Variants in MB21D2 observed in about 807,000 individuals in gnomAD.
The protein encoded by MB21D2 is Mab-21 domain containing 2, also known as nucleotidyltransferase MB21D2.
In MB21D2, 9 loss-of-function variants were observed where a neutral mutation model predicts 33.3. That is an observed-to-expected ratio of 0.27 (90% CI 0.16 to 0.47). The LOEUF is 0.47. MB21D2 is among the 20% of genes least tolerant of loss of function. MB21D2 has a pLI of 0.99. For synonymous variants in MB21D2, 241 were observed against 236.3 expected (o/e 1.02, Z -0.18); for missense variants, 540 against 624.6 (o/e 0.86, Z 1.44).
At chr3:192,837,107 A>C (rs912554259) in intron 1 of MB21D2, among the ~76,000 whole-genome samples, 1 of 152,166 alleles carries the variant, frequency 6.6e-6, no homozygotes, top group African/African-American at 2.4e-5. Flanking sequence ...CATGTTTAAA[A>C]TATGCCCTGT....
intron 1 of MB21D2, among the ~76,000 whole-genome samples, chr3:192,897,630 C>A (rs975087952): frequency 7.9e-5 from 12 of 152,122 alleles, no homozygotes; most frequent in Non-Finnish European, 1.3e-4. Context: ...TTGGTCAGAT[C>A]AAACACATAT....
chr3:192,809,569 C>A (rs1327242662), intron 1 of MB21D2, among the ~76,000 whole-genome samples: 1 of 152,174 alleles, frequency 6.6e-6, no homozygotes, highest in Non-Finnish European at 1.5e-5. Flanking sequence ...GCCTTTGGAA[C>A]TGCCACATAA....
intron 1 of MB21D2, among the ~76,000 whole-genome samples, chr3:192,884,513 C>T (rs1377633358): frequency 1.4e-5 from 2 of 141,818 alleles, no homozygotes; most frequent in Non-Finnish European, 3.1e-5. Flanking sequence ...ACTACAGGCG[C>T]CCGCCACCAC....
intron 1 of MB21D2, among the ~76,000 whole-genome samples, chr3:192,807,060 A>C (rs1047655480): frequency 2.6e-5 from 4 of 152,214 alleles, no homozygotes; most frequent in Non-Finnish European, 4.4e-5. Context: ...CTTAGTTGGT[A>C]ATCAGTGAAC....
rs1467028328 is a variant in MB21D2 at position 192,798,558 on chromosome 3, G to C, written c.1304C>G (p.Thr435Ser). Residue 435 changes from threonine (T) to serine (S), a missense_variant, in exon 2 of 2, where the codon ACC (threonine) becomes AGC (serine). Physicochemically the swap from Thr to Ser is moderately conservative, Grantham distance 58. Transcript: ENST00000392452. This position sits in a 1 kb window ranked among gnomAD's most constrained non-coding sequence, Gnocchi z 4.8. ...GTCAGACTGTGGAGAGGGGATGCTG[G>C]TGGTGCTACCTCGCCTCTGGAGCTC... ...TLELQRRGST[T>S]SIPSPQSDGG... 6.2e-7 allele frequency: 1 copy of C among 1,614,072 alleles called. No individual in the cohort carries two copies. The highest frequency in any genetic ancestry group is 1.3e-5 in the African/African-American group (1 of 74,922).
At chr3:192,895,901 G>A (rs1185745551) in intron 1 of MB21D2, among the ~76,000 whole-genome samples, 1 of 152,066 alleles carries the variant, frequency 6.6e-6, no homozygotes, top group Non-Finnish European at 1.5e-5. Flanking sequence ...CCTGGCCTAA[G>A]AAACTGTTGA....
At chr3:192,914,081 G>A (rs958842905) in intron 1 of MB21D2, among the ~76,000 whole-genome samples, 12 of 152,054 alleles carry the variant, frequency 7.9e-5, no homozygotes, top group African/African-American at 2.7e-4. Context: ...CCTTTCCTCT[G>A]GATTTTATGC....
intron 1 of MB21D2, among the ~76,000 whole-genome samples, chr3:192,830,525 C>T (rs939988736): frequency 6.6e-6 from 1 of 152,150 alleles, no homozygotes; most frequent in Admixed American, 6.5e-5. Flanking sequence ...GCTTCATACA[C>T]CCCTTTCTGC....
chr3:192,909,982 G>A (rs1714308961), intron 1 of MB21D2, among the ~76,000 whole-genome samples: 2 of 137,104 alleles, frequency 1.5e-5, no homozygotes, highest in East Asian at 2.1e-4. Context: ...GAGAGAGAGA[G>A]AAAAGAGCCT....
intron 1 of MB21D2, among the ~76,000 whole-genome samples, chr3:192,886,864 A>G (rs1257114335): frequency 1.3e-5 from 2 of 152,092 alleles, no homozygotes; most frequent in African/African-American, 4.8e-5. Flanking sequence ...AGCAATGACT[A>G]ATTCAGATTC....
intron 1 of MB21D2, among the ~76,000 whole-genome samples, chr3:192,860,035 G>C (rs1713005496): frequency 6.6e-6 from 1 of 152,224 alleles, no homozygotes; most frequent in Non-Finnish European, 1.5e-5. Flanking sequence ...CTCACTCTCA[G>C]GAGACCACCC....
chr3:192,861,829 C>T (rs191419570), intron 1 of MB21D2, among the ~76,000 whole-genome samples: 28 of 152,112 alleles, frequency 1.8e-4, no homozygotes, highest in Non-Finnish European at 3.5e-4. Context: ...AAAACAAAAA[C>T]ATAGACCCAT....
At chr3:192,808,406 G>T (rs2108611048) in intron 1 of MB21D2, among the ~76,000 whole-genome samples, 1 of 152,298 alleles carries the variant, frequency 6.6e-6, no homozygotes, top group South Asian at 2.1e-4. Context: ...ATTCAAAAAG[G>T]CTATGAGAGC....
chr3:192,872,488 G>A (rs6778595), intron 1 of MB21D2, among the ~76,000 whole-genome samples: 91,968 of 150,202 alleles, frequency 0.61, 30,137 homozygotes, highest in African/African-American at 0.85. Context: ...AGGCAGGAGA[G>A]TGGCGTGAAC....
intron 1 of MB21D2, among the ~76,000 whole-genome samples, chr3:192,802,405 A>G (rs527896240): frequency 7.2e-5 from 11 of 152,306 alleles, no homozygotes; most frequent in African/African-American, 2.6e-4. Context: ...GAGAAACCCA[A>G]CATACTACAC....
chr3:192,797,647 G>T lies in MB21D2; in HGVS notation c.*739C>A, dbSNP rs1215310522. ...GTGCAAATAATAATTATAATGGTATGTTCTTTAATAGGATTTAAATAAGGC... is the reference window on the plus strand; with the variant it reads ...GTGCAAATAATAATTATAATGGTATTTTCTTTAATAGGATTTAAATAAGGC... On this transcript the variant is annotated 3_prime_UTR_variant, in exon 2 of 2. Transcript: ENST00000392452. 2 of 152,584 alleles carry T rather than the reference G, an allele frequency of 1.3e-5. No homozygotes were observed. The highest frequency in any genetic ancestry group is 6.5e-5 in the Admixed American group (1 of 15,276). 9.5% of individuals were successfully genotyped at this position (152,584 alleles called of 1,614,324 possible).
At chr3:192,813,299 A>ATT (rs1711832372) in intron 1 of MB21D2, among the ~76,000 whole-genome samples, 1 of 147,616 alleles carries the variant, frequency 6.8e-6, no homozygotes. Context: ...TACTGCAGTT[A>ATT]ATTTTTTTTT....
At chr3:192,846,388 T>A (rs913736689) in intron 1 of MB21D2, among the ~76,000 whole-genome samples, 10 of 152,204 alleles carry the variant, frequency 6.6e-5, no homozygotes, top group Non-Finnish European at 1.3e-4. Flanking sequence ...TGAATCTTCA[T>A]AACAAAGTTT....
intron 1 of MB21D2, among the ~76,000 whole-genome samples, chr3:192,862,971 T>C (rs1713083857): frequency 1.3e-5 from 2 of 152,142 alleles, no homozygotes; most frequent in African/African-American, 4.8e-5. Flanking sequence ...AGGCCTCTTT[T>C]GTAAGGGCAC....
Sources: gnomAD v4.1 joint callset for allele counts (sites outside exome capture counted in the v4.1 genomes callset) on GRCh38, gnomAD v4.1.1 for gene constraint, Gnocchi (gnomAD v3.1) non-coding constraint, MANE v1.5 for transcripts, NCBI Gene and HGNC (gene_info 2026-07-23, HGNC 2026-07-21) for gene names.